DLGAP2: variants seen among roughly 807,000 people sequenced by gnomAD.
DLGAP2 encodes the protein disks large-associated protein 2.
DLGAP2 carries 26 observed loss-of-function variants against 100.3 expected under a neutral mutation model. The observed-to-expected ratio is 0.26, with a 90% CI of 0.19 to 0.36. The LOEUF (loss-of-function observed/expected upper bound fraction) is 0.36. Ranked by LOEUF, DLGAP2 falls within the 10% of genes least tolerant of loss-of-function variation. The probability of loss-of-function intolerance (pLI) is 1.00; values close to 1 mark genes in which losing one functional copy is unlikely to be tolerated. For missense variants in DLGAP2, 1,858 were observed against 1,453.2 expected, an observed-to-expected ratio of 1.28 and a Z score of -4.53; for synonymous variants, 886 against 630.1, an observed-to-expected ratio of 1.41 and a Z score of -6.08.
chr8:1,546,954 C>T (rs1013071035), intron 4 of DLGAP2, among the ~76,000 whole-genome samples: 1 of 152,134 alleles, frequency 6.6e-6, no homozygotes, highest in African/African-American at 2.4e-5. Context: ...CACGCTCAGC[C>T]GTCGAGGTGG....
rs369874887 is a variant in DLGAP2, at chr8:839,502, T to C, written c.19-68410T>C. 1.1e-4 allele frequency among the ~76,000 whole-genome samples: 17 copies of C among 152,174 alleles called. No individual in the cohort carries two copies. In the East Asian group the frequency reaches 2.5e-3, roughly 22 times the overall value. On this transcript the variant is annotated intron_variant, in intron 1 of 14. Coordinates refer to ENST00000637795, the MANE Select transcript of DLGAP2 (RefSeq NM_001346810.2). Reference sequence around the variant, plus strand: ...AAGACAAATGCCACCTGTGCTCACTTATATGTGGAATCTAAAACATTGAGC... The same window carrying C: ...AAGACAAATGCCACCTGTGCTCACTCATATGTGGAATCTAAAACATTGAGC...
At chr8:1,580,670 C>CCCTACA (rs1415711301) in intron 6 of DLGAP2, among the ~76,000 whole-genome samples, 4 of 151,838 alleles carry the variant, frequency 2.6e-5, no homozygotes, top group Non-Finnish European at 2.9e-5. Flanking sequence ...AAACAAAACC[C>CCCTACA]CATACACATC....
At position 1,497,082 on chromosome 8, in the gene DLGAP2, G is replaced by T. The variant is rs182299864; in HGVS notation, c.107-4284G>T. On this transcript the variant is annotated intron_variant, in intron 3 of 14. Coordinates refer to ENST00000637795, the MANE Select transcript of DLGAP2 (RefSeq NM_001346810.2). Reference sequence around the variant, plus strand: ...AAAGGTGACTCCTAAAGTACGTTCTGCCAGAGGGACCCTAAGCAAGGGGTC... The same window carrying T: ...AAAGGTGACTCCTAAAGTACGTTCTTCCAGAGGGACCCTAAGCAAGGGGTC... Among the ~76,000 whole-genome samples, 230 of 152,334 alleles carry T rather than the reference G, an allele frequency of 1.5e-3. 1 individual carries two copies. Among genetic ancestry groups the T allele is most frequent in the South Asian group, 8.3e-3 (40 of 4,826 alleles).
intron 4 of DLGAP2, among the ~76,000 whole-genome samples, chr8:1,512,457 G>T (rs961436177): frequency 1.3e-5 from 2 of 152,116 alleles, no homozygotes; most frequent in African/African-American, 4.8e-5. Context: ...TGGCAGTTCC[G>T]CACTGACCTC....
At chr8:1,282,812 T>C (rs1255928508) in intron 3 of DLGAP2, among the ~76,000 whole-genome samples, 5 of 72,340 alleles carry the variant, frequency 6.9e-5, no homozygotes, top group Non-Finnish European at 7.5e-5. Context: ...GTGAACCATC[T>C]GGACATGGTG....
At chr8:1,673,403 G>A (rs1219788207) in intron 10 of DLGAP2, among the ~76,000 whole-genome samples, 7 of 152,166 alleles carry the variant, frequency 4.6e-5, no homozygotes, top group Non-Finnish European at 1.0e-4. Context: ...CAGGATTTCT[G>A]AAATTGATAA....
At chr8:1,050,718 T>C (rs1802653533) in intron 2 of DLGAP2, among the ~76,000 whole-genome samples, 1 of 152,182 alleles carries the variant, frequency 6.6e-6, no homozygotes, top group Non-Finnish European at 1.5e-5. Flanking sequence ...GTAACACATT[T>C]TAAAGTATCT....
chr8:1,316,353 C>T (rs1800748396), intron 3 of DLGAP2, among the ~76,000 whole-genome samples: 2 of 138,320 alleles, frequency 1.4e-5, no homozygotes, highest in African/African-American at 5.5e-5. Context: ...GCGAGTGCAG[C>T]GTCTCTCCAA....
chr8:1,523,515 G>T (rs978283318), intron 4 of DLGAP2, among the ~76,000 whole-genome samples: 8 of 152,176 alleles, frequency 5.3e-5, no homozygotes, highest in African/African-American at 1.4e-4. Context: ...GCCTTAGACG[G>T]GGGGGAAGGA....
At chr8:1,676,474 A>T in intron 10 of DLGAP2, 59 bp from the exon 11 acceptor site, 4 of 1,525,978 alleles carry the variant, frequency 2.6e-6, no homozygotes, top group Non-Finnish European at 3.6e-6. Flanking sequence ...ACAACAAAAT[A>T]GTCCCTTGCC....
chr8:946,429 A>C (rs1388050966), intron 2 of DLGAP2, among the ~76,000 whole-genome samples: 2 of 151,384 alleles, frequency 1.3e-5, no homozygotes, highest in Non-Finnish European at 2.9e-5. Context: ...ACGCCCGGCT[A>C]ATTTTTTGTA....
At chr8:1,144,472 C>T (rs1156793000) in intron 2 of DLGAP2, among the ~76,000 whole-genome samples, 11 of 152,198 alleles carry the variant, frequency 7.2e-5, no homozygotes, top group Non-Finnish European at 1.6e-4. Context: ...CCGAATGCTC[C>T]TCCCCAGTCT....
chr8:1,370,522 CA>C (rs1281119925), intron 3 of DLGAP2, among the ~76,000 whole-genome samples: 3 of 152,212 alleles, frequency 2.0e-5, no homozygotes, highest in Non-Finnish European at 4.4e-5. Context: ...TAACAAGTCA[CA>C]TTTCTTTTGT....
chr8:1,352,097 C>A (rs866236739), intron 3 of DLGAP2, among the ~76,000 whole-genome samples: 1 of 81,630 alleles, frequency 1.2e-5, no homozygotes, highest in Non-Finnish European at 2.5e-5. Flanking sequence ...TGTGGAAAGG[C>A]CGTGCGGGTC....
chr8:1,104,187 G>C (rs904424542), intron 2 of DLGAP2, among the ~76,000 whole-genome samples: 1 of 152,200 alleles, frequency 6.6e-6, no homozygotes. Context: ...AGCAAGAACA[G>C]CATCCAGCCC....
intron 12 of DLGAP2, among the ~76,000 whole-genome samples, chr8:1,682,164 C>T (rs143740998): frequency 8.1e-4 from 124 of 152,330 alleles, no homozygotes; most frequent in African/African-American, 2.0e-3. Context: ...TGGTCCTCCA[C>T]GACTGTGACC....
At chr8:1,289,244 T>C (rs1800007247) in intron 3 of DLGAP2, among the ~76,000 whole-genome samples, 1 of 152,210 alleles carries the variant, frequency 6.6e-6, no homozygotes, top group Admixed American at 6.5e-5. Context: ...ATGAGGTACA[T>C]GGATCAGTAA....
intron 3 of DLGAP2, among the ~76,000 whole-genome samples, chr8:1,306,374 C>T (rs1444577698): frequency 6.6e-6 from 1 of 151,962 alleles, no homozygotes; most frequent in Admixed American, 6.6e-5. Context: ...TAGAAATAAG[C>T]TTAACCAAGG....
intron 3 of DLGAP2, among the ~76,000 whole-genome samples, chr8:1,314,473 A>T (rs1250384443): frequency 6.6e-6 from 1 of 152,248 alleles, no homozygotes; most frequent in East Asian, 1.9e-4. Context: ...CTGTAACAAA[A>T]GCATTTTGGG....
Sources: allele counts gnomAD v4.1 joint callset (sites outside exome capture counted in the v4.1 genomes callset), GRCh38; gene constraint gnomAD v4.1.1; transcripts MANE v1.5; gene names NCBI Gene and HGNC (gene_info 2026-07-23, HGNC 2026-07-21).